FTO: variants seen among roughly 807,000 people sequenced by gnomAD.
The protein encoded by FTO is FTO alpha-ketoglutarate dependent dioxygenase.
In FTO, 47 loss-of-function variants were observed where a neutral mutation model predicts 63.9. The ratio of observed to expected loss-of-function variants is 0.74; its 90% CI spans 0.58 to 0.94. The LOEUF is 0.94. Ranked by LOEUF, FTO falls within the 40% of genes least tolerant of loss-of-function variation. The probability of loss-of-function intolerance (pLI) is 0.00; values close to 1 mark genes in which losing one functional copy is unlikely to be tolerated. For missense variants in FTO, 562 were observed against 618.1 expected (o/e 0.91, Z 0.96); for synonymous variants, 207 against 224.4 (o/e 0.92, Z 0.69).
At chr16:53,938,508 T>C (rs1344934938) in intron 8 of FTO, among the ~76,000 whole-genome samples, 4 of 152,226 alleles carry the variant, frequency 2.6e-5, no homozygotes, top group Non-Finnish European at 5.9e-5. Context: ...GCACATGCCA[T>C]GAGTCCACTT....
At position 53,831,629 on chromosome 16, in the gene FTO, A is replaced by G. The variant is rs117402331; in HGVS notation, c.751+5138A>G. 7.9e-5 allele frequency among the ~76,000 whole-genome samples: 12 copies of G among 152,354 alleles called. No homozygotes were observed. In the East Asian group the frequency reaches 2.1e-3, roughly 27 times the overall value. On this transcript the variant is annotated intron_variant, in intron 3 of 8. Transcript: ENST00000471389. ...CCTGCCCTCATCAAGCTCACATTCT[A>G]GCAAGGGAAAACAGAAAATAAAAGT...
chr16:53,711,527 G>T (rs1206126523), intron 1 of FTO: 2 of 398,172 alleles, frequency 5.0e-6, no homozygotes, highest in Non-Finnish European at 8.9e-6. Flanking sequence ...ATCTAACATG[G>T]CCTAGTAGTC....
chr16:53,866,284 A>C (rs1410384213), intron 4 of FTO, among the ~76,000 whole-genome samples: 1 of 152,126 alleles, frequency 6.6e-6, no homozygotes, highest in African/African-American at 2.4e-5. Flanking sequence ...ACATTGTTAC[A>C]TTCAATTTGC....
At chr16:54,055,161 G>C (rs1188814314) in intron 8 of FTO, among the ~76,000 whole-genome samples, 2 of 152,200 alleles carry the variant, frequency 1.3e-5, no homozygotes, top group Non-Finnish European at 2.9e-5. Context: ...AGCCCTGCTT[G>C]CAATACTGGG....
At chr16:53,798,706 T>A (rs1275804410) in intron 1 of FTO, among the ~76,000 whole-genome samples, 1 of 152,196 alleles carries the variant, frequency 6.6e-6, no homozygotes, top group Non-Finnish European at 1.5e-5. Context: ...ATAATGACAT[T>A]TTTACCTTTT....
chr16:53,757,144 A>G (rs1382624089), intron 1 of FTO, among the ~76,000 whole-genome samples: 1 of 152,212 alleles, frequency 6.6e-6, no homozygotes, highest in Non-Finnish European at 1.5e-5. Flanking sequence ...GGTATATACT[A>G]TGATATTTTG....
intron 7 of FTO, among the ~76,000 whole-genome samples, chr16:53,907,933 A>G (rs541595489): frequency 4.6e-5 from 7 of 152,316 alleles, no homozygotes; most frequent in African/African-American, 1.7e-4. Context: ...TGAGAGCTCA[A>G]GCTTTATTCT....
At chr16:53,799,432 C>A (rs1156444663) in intron 1 of FTO, among the ~76,000 whole-genome samples, 2 of 151,932 alleles carry the variant, frequency 1.3e-5, no homozygotes, top group African/African-American at 4.8e-5. Context: ...AGAGCAAGGC[C>A]TATGTCTTGA....
At chr16:53,814,850 T>C (rs912790726) in intron 2 of FTO, 2 of 152,190 alleles carry the variant, frequency 1.3e-5, no homozygotes, top group African/African-American at 4.8e-5. Context: ...CTGTGCCAGG[T>C]ACTGTTTTAG....
rs2079007978 is a variant in FTO, at chr16:53,826,416, A to G, written c.676A>G (p.Met226Val). 6.2e-7 allele frequency: 1 copy of G among 1,614,072 alleles called. No individual in the cohort carries two copies. Among genetic ancestry groups the G allele is most frequent in the African/African-American group, 1.3e-5 (1 of 74,922 alleles). Residue 226 changes from methionine (M) to valine (V), a missense_variant, in exon 3 of 9, where the codon ATG becomes GTG. Met to Val is a conservative substitution (Grantham distance 21). Coordinates refer to ENST00000471389, the MANE Select transcript of FTO (RefSeq NM_001080432.3). Reference protein sequence around the residue: ...KEEPYFGMGKMAVSWHHDENL... With the variant: ...KEEPYFGMGKVAVSWHHDENL... ...GGAACCTTATTTTGGCATGGGGAAA[A>G]TGGCAGTGAGCTGGCATCATGATGA...
chr16:54,111,796 G>T lies in FTO; in HGVS notation c.1399G>T (p.Asp467Tyr), dbSNP rs747801335. Residue 467 changes from aspartate to tyrosine, a missense_variant, in exon 9 of 9, where the codon GAT becomes TAT. Physicochemically the swap from Asp to Tyr is radical, Grantham distance 160. Transcript: ENST00000471389. The stretch of plus-strand genomic sequence containing the variant: ...ACGAATTGCCCGAACATTACCTGCT[G>T]ATCAGAAGCCAGAATGTCGGCCATA... ...QSRIARTLPA[D>Y]QKPECRPYWE... is the part of the protein sequence containing the mutation. 3.1e-6 allele frequency: 5 copies of T among 1,614,126 alleles called. No homozygotes were observed. Among genetic ancestry groups the T allele is most frequent in the Non-Finnish European group, 4.2e-6 (5 of 1,180,016 alleles).
At position 53,949,093 on chromosome 16, in the gene FTO, A is replaced by G. The variant is rs958846196; in HGVS notation, c.1364+14984A>G. 3.9e-5 allele frequency among the ~76,000 whole-genome samples: 6 copies of G among 152,334 alleles called. No individual in the cohort carries two copies. In the South Asian group the frequency reaches 8.3e-4, roughly 21 times the overall value. ...ATTGTCACCATAAAAAGGTGTCCAC[A>G]AAAATGTTGGCAGTTTTGAATTTGA... On this transcript the variant is annotated intron_variant, in intron 8 of 8. Transcript: ENST00000471389.
In FTO at chr16:54,100,342, T is replaced by C. The variant is rs2086611533; in HGVS notation, c.1365-11420T>C. Among the ~76,000 whole-genome samples the C allele has an allele frequency of 3.3e-5, 5 of 152,244 alleles. No individual in the cohort carries two copies. In the South Asian group the frequency reaches 8.3e-4, roughly 25 times the overall value. On this transcript the variant is annotated intron_variant, in intron 8 of 8. Transcript: ENST00000471389. ...AGAATCCTAGCACTCATCTTTATTA[T>C]TGTGGGGTTTTTGTTTGTTTGTTTG... is the stretch of plus-strand genomic sequence containing the variant.
At chr16:53,882,771 C>A (rs1040515600) in intron 6 of FTO, among the ~76,000 whole-genome samples, 1 of 152,172 alleles carries the variant, frequency 6.6e-6, no homozygotes, top group East Asian at 1.9e-4. Context: ...GAAATAATGT[C>A]GTCTCCCATG....
At chr16:53,979,441 AT>A (rs2083494312) in intron 8 of FTO, 1 of 398,586 alleles carries the variant, frequency 2.5e-6, no homozygotes, top group African/African-American at 2.1e-5. Flanking sequence ...AGCATGGAAT[AT>A]TACAGTTTGA....
chr16:53,711,163 G>GTATA (rs60261423), intron 1 of FTO, among the ~76,000 whole-genome samples: 24 of 150,262 alleles, frequency 1.6e-4, no homozygotes, highest in Middle Eastern at 3.4e-3. Flanking sequence ...TATTCTGTAT[G>GTATA]TATATATATA....
chr16:54,061,279 T>C (rs1359309272), intron 8 of FTO, among the ~76,000 whole-genome samples: 1 of 152,202 alleles, frequency 6.6e-6, no homozygotes, highest in African/African-American at 2.4e-5. Flanking sequence ...TGCAGCCTTG[T>C]CCCTTGAGGG....
At chr16:53,739,237 G>A (rs138372851) in intron 1 of FTO, among the ~76,000 whole-genome samples, 7,503 of 135,962 alleles carry the variant, frequency 0.055, 212 homozygotes, top group Middle Eastern at 0.087. Flanking sequence ...ACGGAGTCTC[G>A]CTCTGTCGCC....
At chr16:54,089,334 C>T (rs1347730402) in intron 8 of FTO, among the ~76,000 whole-genome samples, 1 of 152,082 alleles carries the variant, frequency 6.6e-6, no homozygotes, top group Non-Finnish European at 1.5e-5. Flanking sequence ...TAGTGAAAAC[C>T]AACAACTGAC....
Sources: gnomAD v4.1 joint callset for allele counts (sites outside exome capture counted in the v4.1 genomes callset) on GRCh38, gnomAD v4.1.1 for gene constraint, MANE v1.5 for transcripts, NCBI Gene and HGNC (gene_info 2026-07-23, HGNC 2026-07-21) for gene names.